The following ZFYVE9 variants were observed in gnomAD, a reference collection of about 807,000 sequenced individuals.
ZFYVE9 encodes zinc finger FYVE domain-containing protein 9.
Under a neutral mutation model 126.7 loss-of-function variants are expected in ZFYVE9, and 43 were observed. The observed-to-expected ratio is 0.34, with a 90% CI of 0.27 to 0.44. The LOEUF is 0.44. Among genes scored for constraint, ZFYVE9 ranks in the 20% least tolerant of loss-of-function variants. ZFYVE9 has a pLI of 1.00. For synonymous variants in ZFYVE9, 521 were observed against 597.4 expected, an observed-to-expected ratio of 0.87 and a Z score of 1.87; for missense variants, 1,476 against 1,697.0, an observed-to-expected ratio of 0.87 and a Z score of 2.29.
intron 2 of ZFYVE9, among the ~76,000 whole-genome samples, chr1:52,225,078 C>T (rs1179067926): frequency 2.6e-5 from 4 of 152,204 alleles, no homozygotes; most frequent in Non-Finnish European, 5.9e-5. Flanking sequence ...GCGTGTCTCA[C>T]TCACACACTT....
chr1:52,230,696 C>G (rs1645213165), intron 2 of ZFYVE9, among the ~76,000 whole-genome samples: 1 of 151,978 alleles, frequency 6.6e-6, no homozygotes, highest in African/African-American at 2.4e-5. Context: ...ATCACCTTTT[C>G]TGGGGGTTCA....
In ZFYVE9 at chr1:52,247,519, C is replaced by T. The variant is rs562799868; in HGVS notation, c.2178+7924C>T. On this transcript the variant is annotated intron_variant, in intron 4 of 18. Coordinates refer to ENST00000287727, the MANE Select transcript of ZFYVE9 (RefSeq NM_004799.4). Reference sequence around the variant, plus strand: ...CAGAGCTTTTTGTTTTTTTTTGAGACGGAGTCTCGCTTCGTTGCCCAGGCT... The same window carrying T: ...CAGAGCTTTTTGTTTTTTTTTGAGATGGAGTCTCGCTTCGTTGCCCAGGCT... 2.0e-3 allele frequency among the ~76,000 whole-genome samples: 298 copies of T among 151,702 alleles called. 1 individual carries two copies. The Middle Eastern group carries it at 0.034, about 17-fold the overall frequency.
intron 2 of ZFYVE9, among the ~76,000 whole-genome samples, chr1:52,226,649 A>G (rs1055349885): frequency 2.0e-5 from 3 of 152,200 alleles, no homozygotes; most frequent in Non-Finnish European, 2.9e-5. Flanking sequence ...CTCCTGTATC[A>G]CTGACAACAC....
chr1:52,216,262 T>C (rs1401914199), intron 1 of ZFYVE9, 107 bp from the exon 2 acceptor site: 6 of 396,694 alleles, frequency 1.5e-5, no homozygotes, highest in African/African-American at 8.2e-5. Context: ...TTTTATCTAC[T>C]GTTTCAGCCC....
chr1:52,223,350 TAGA>T (rs1047320139), intron 2 of ZFYVE9, among the ~76,000 whole-genome samples: 1 of 152,166 alleles, frequency 6.6e-6, no homozygotes, highest in Non-Finnish European at 1.5e-5. Flanking sequence ...GCCAGGTGCT[TAGA>T]AGGTCTACAA....
chr1:52,232,144 C>CT (rs1396466100), intron 2 of ZFYVE9, among the ~76,000 whole-genome samples: 1 of 152,028 alleles, frequency 6.6e-6, no homozygotes, highest in Non-Finnish European at 1.5e-5. Flanking sequence ...CTTACTCAGA[C>CT]TTTTTGGGGA....
intron 13 of ZFYVE9, among the ~76,000 whole-genome samples, chr1:52,307,769 T>C (rs1312930144): frequency 1.3e-5 from 2 of 150,960 alleles, no homozygotes; most frequent in Admixed American, 1.3e-4. Context: ...TTTTTTTTTC[T>C]GATACGGAGT....
rs182179632 is a variant in ZFYVE9 at position 52,330,342 on chromosome 1, C to T, written c.3439-2426C>T. 2.6e-5 allele frequency among the ~76,000 whole-genome samples: 4 copies of T among 152,310 alleles called. No individual in the cohort carries two copies. In the East Asian group the frequency reaches 7.7e-4, roughly 29 times the overall value. ...GGTGAGCTGAGATAGTGTCACTGCA[C>T]TCCAGCCTGGGCAACAAGAGCGAAA... On this transcript the variant is annotated intron_variant, in intron 13 of 18. Transcript: ENST00000287727.
chr1:52,184,129 G>T (rs963547379), intron 1 of ZFYVE9, among the ~76,000 whole-genome samples: 13 of 149,550 alleles, frequency 8.7e-5, no homozygotes, highest in African/African-American at 2.9e-4. Context: ...TTTTTAGTTG[G>T]CAGCTTTAAA....
chr1:52,319,693 A>G (rs544237734), intron 13 of ZFYVE9, among the ~76,000 whole-genome samples: 1 of 152,062 alleles, frequency 6.6e-6, no homozygotes, highest in South Asian at 2.1e-4. Context: ...GGATAAAAAG[A>G]ACCTAGAAGA....
At chr1:52,243,125 T>G (rs1015935248) in intron 4 of ZFYVE9, among the ~76,000 whole-genome samples, 5 of 152,188 alleles carry the variant, frequency 3.3e-5, no homozygotes, top group Non-Finnish European at 5.9e-5. Context: ...AGTAAATGAG[T>G]CTCAGATCAT....
At chr1:52,173,834 A>G (rs1420625035) in intron 1 of ZFYVE9, among the ~76,000 whole-genome samples, 3 of 151,692 alleles carry the variant, frequency 2.0e-5, no homozygotes, top group Non-Finnish European at 4.4e-5. Flanking sequence ...TATTCCTGTG[A>G]GATCGGTGGT....
intron 4 of ZFYVE9, among the ~76,000 whole-genome samples, chr1:52,262,885 A>G (rs1156501194): frequency 6.6e-6 from 1 of 152,026 alleles, no homozygotes; most frequent in Non-Finnish European, 1.5e-5. Context: ...TAGCCTGGCC[A>G]ACATGGTGAA....
chr1:52,275,783 G>A (rs1329462566), intron 8 of ZFYVE9, among the ~76,000 whole-genome samples: 2 of 150,998 alleles, frequency 1.3e-5, no homozygotes, highest in East Asian at 2.0e-4. Context: ...CCTTCATTTT[G>A]TCTTCCACAC....
intron 4 of ZFYVE9, among the ~76,000 whole-genome samples, chr1:52,248,324 T>G (rs1231632071): frequency 6.6e-6 from 1 of 152,162 alleles, no homozygotes; most frequent in Non-Finnish European, 1.5e-5. Context: ...TATAAGCATC[T>G]GGCAAGGAAA....
intron 4 of ZFYVE9, among the ~76,000 whole-genome samples, chr1:52,240,865 A>C (rs1031255801): frequency 7.2e-5 from 11 of 152,140 alleles, no homozygotes; most frequent in African/African-American, 2.7e-4. Flanking sequence ...GGGGACTGGG[A>C]TTATCTAATC....
intron 13 of ZFYVE9, among the ~76,000 whole-genome samples, chr1:52,309,330 T>C (rs1167736383): frequency 1.3e-5 from 2 of 152,008 alleles, no homozygotes; most frequent in East Asian, 3.9e-4. Flanking sequence ...TACAAAAAAT[T>C]AGCTGGGCAT....
chr1:52,330,471 GT>G lies in ZFYVE9; in HGVS notation c.3439-2293del, dbSNP rs202073323. Among the ~76,000 whole-genome samples the G allele has an allele frequency of 8.9e-3, 1,362 of 152,274 alleles. 21 individuals carry two copies. The highest frequency in any genetic ancestry group is 0.029 in the African/African-American group (1,215 of 41,560). ...TTCCTGATTATATGCTAAACAAAGG[GT>G]TTTCTGGGAAAGGGGTGGGGAATTC... On this transcript the variant is annotated intron_variant, in intron 13 of 18. Transcript: ENST00000287727.
chr1:52,180,084 G>C, intron 1 of ZFYVE9: 1 of 877,288 alleles, frequency 1.1e-6, no homozygotes, highest in Non-Finnish European at 2.0e-6. Flanking sequence ...TGAGTGGAAA[G>C]CAACTAAATT....
Sources: gnomAD v4.1 joint callset for allele counts (sites outside exome capture counted in the v4.1 genomes callset) on GRCh38, gnomAD v4.1.1 for gene constraint, MANE v1.5 for transcripts, NCBI Gene and HGNC (gene_info 2026-07-23, HGNC 2026-07-21) for gene names.